Variants in SHLD2 observed in about 807,000 individuals in gnomAD.
The protein encoded by SHLD2 is RINN1-REV7-interacting novel NHEJ regulator 2.
Under a neutral mutation model 73.2 loss-of-function variants are expected in SHLD2, and 30 were observed. That is an observed-to-expected ratio of 0.41 (90% CI 0.31 to 0.56). SHLD2 has a LOEUF of 0.56. Among genes scored for constraint, SHLD2 ranks in the 20% least tolerant of loss-of-function variants. The pLI is 0.28. For synonymous variants in SHLD2, 285 were observed against 370.1 expected (o/e 0.77, Z 2.64); for missense variants, 745 against 1,055.9 (o/e 0.71, Z 4.08).
intron 9 of SHLD2, among the ~76,000 whole-genome samples, chr10:87,189,136 G>C (rs1304465485): frequency 1.3e-5 from 2 of 152,002 alleles, no homozygotes; most frequent in East Asian, 3.9e-4. Context: ...CAAGTAGCTG[G>C]GATTACAGGC....
At chr10:87,097,636 A>C (rs1249854668) in intron 2 of SHLD2, among the ~76,000 whole-genome samples, 1 of 152,180 alleles carries the variant, frequency 6.6e-6, no homozygotes, top group African/African-American at 2.4e-5. Context: ...AGAGGTGAGG[A>C]ATAGAGCTGT....
At chr10:87,141,973 G>A (rs1315953980) in intron 2 of SHLD2, among the ~76,000 whole-genome samples, 2 of 151,058 alleles carry the variant, frequency 1.3e-5, no homozygotes, top group Non-Finnish European at 2.9e-5. Context: ...AGAGGTTGCA[G>A]TGAGCTGAGA....
chr10:87,176,941 CAG>C (rs1179837975), intron 7 of SHLD2, among the ~76,000 whole-genome samples: 2 of 152,030 alleles, frequency 1.3e-5, no homozygotes, highest in Admixed American at 6.5e-5. Flanking sequence ...AAGGTAAACA[CAG>C]ATGATAGAAA....
chr10:87,155,339 T>C (rs1422918873), intron 3 of SHLD2, among the ~76,000 whole-genome samples: 1 of 151,476 alleles, frequency 6.6e-6, no homozygotes, highest in Non-Finnish European at 1.5e-5. Context: ...TATGTGATTA[T>C]ATTATTGGAG....
intron 2 of SHLD2, among the ~76,000 whole-genome samples, chr10:87,113,385 CAAG>C (rs1439477268): frequency 6.6e-6 from 1 of 152,158 alleles, no homozygotes; most frequent in Non-Finnish European, 1.5e-5. Flanking sequence ...AATTCAGCCA[CAAG>C]AAGGAGTGAA....
chr10:87,126,161 C>T (rs1564586487), intron 2 of SHLD2, among the ~76,000 whole-genome samples: 1 of 152,180 alleles, frequency 6.6e-6, no homozygotes. Context: ...TCACTGCAGC[C>T]TTGACCTTCT....
chr10:87,102,458 A>G (rs1445787967), intron 2 of SHLD2, among the ~76,000 whole-genome samples: 1 of 152,094 alleles, frequency 6.6e-6, no homozygotes, highest in Non-Finnish European at 1.5e-5. Flanking sequence ...CTGTAATCCT[A>G]GCACTTTGGG....
chr10:87,156,726 C>T (rs1846456976), intron 3 of SHLD2, among the ~76,000 whole-genome samples: 1 of 152,174 alleles, frequency 6.6e-6, no homozygotes, highest in Admixed American at 6.5e-5. Flanking sequence ...CTTGAAATTT[C>T]TCGTCTGTTC....
intron 2 of SHLD2, among the ~76,000 whole-genome samples, chr10:87,136,695 T>C (rs1023105939): frequency 2.6e-5 from 4 of 151,940 alleles, no homozygotes; most frequent in African/African-American, 9.7e-5. Flanking sequence ...AAACTCCTGC[T>C]CCAATAGTGA....
In SHLD2 at chr10:87,162,479, A is replaced by G. The variant is rs1589610109; in HGVS notation, c.1633+4324A>G. 2.0e-5 allele frequency among the ~76,000 whole-genome samples: 3 copies of G among 152,228 alleles called. No individual in the cohort carries two copies. The East Asian group carries it at 5.8e-4, about 29-fold the overall frequency. ...AAAGCTGAGGTGGGAGAATCACTTGAGCTCAGGAGTTTGAGTCCAGCCTGG... is the reference window on the plus strand; with the variant it reads ...AAAGCTGAGGTGGGAGAATCACTTGGGCTCAGGAGTTTGAGTCCAGCCTGG... On this transcript the variant is annotated intron_variant, in intron 4 of 9. Coordinates refer to ENST00000298786, the MANE Select transcript of SHLD2 (RefSeq NM_001330112.2).
chr10:87,100,572 G>A (rs1246843233), intron 2 of SHLD2, among the ~76,000 whole-genome samples: 1 of 151,592 alleles, frequency 6.6e-6, no homozygotes, highest in Non-Finnish European at 1.5e-5. Context: ...CTGCCTTCCA[G>A]GTTCAAGCAA....
chr10:87,189,185 G>T (rs977230796), intron 9 of SHLD2, among the ~76,000 whole-genome samples: 1 of 152,100 alleles, frequency 6.6e-6, no homozygotes, highest in African/African-American at 2.4e-5. Context: ...ATTTTTAGTA[G>T]ATATGGGGTT....
intron 2 of SHLD2, among the ~76,000 whole-genome samples, chr10:87,147,085 A>G (rs1485853753): frequency 3.3e-5 from 5 of 149,696 alleles, no homozygotes; most frequent in Non-Finnish European, 7.4e-5. Flanking sequence ...AAAAAAAAAA[A>G]AAACAAAAAA....
intron 3 of SHLD2, among the ~76,000 whole-genome samples, chr10:87,155,667 G>A (rs1300216718): frequency 6.6e-6 from 1 of 151,624 alleles, no homozygotes. Flanking sequence ...ATTAATGTCA[G>A]CAGGGACCTC....
At chr10:87,146,325 G>T (rs942979598) in intron 2 of SHLD2, among the ~76,000 whole-genome samples, 1 of 151,856 alleles carries the variant, frequency 6.6e-6, no homozygotes, top group South Asian at 2.1e-4. Context: ...ACAGAGTCTC[G>T]CTCTGTTGTC....
rs191373385 is a variant in SHLD2 at position 87,178,752 on chromosome 10, G to C, written c.2171-1323G>C. On this transcript the variant is annotated intron_variant, in intron 7 of 9. Transcript: ENST00000298786. ...AATAATAATAATTTTGTAGTGATTT[G>C]ACATGTCTTTGGAAAGATGTGGTAT... 5.9e-5 allele frequency among the ~76,000 whole-genome samples: 9 copies of C among 152,258 alleles called. No individual in the cohort carries two copies. The South Asian group carries it at 1.7e-3, about 28-fold the overall frequency.
intron 3 of SHLD2, among the ~76,000 whole-genome samples, chr10:87,157,669 A>T (rs551321629): frequency 1.3e-5 from 2 of 152,214 alleles, no homozygotes; most frequent in African/African-American, 4.8e-5. Flanking sequence ...ACTGAATATT[A>T]TTACTCTCCT....
chr10:87,161,699 T>C (rs1172929712), intron 4 of SHLD2, among the ~76,000 whole-genome samples: 2 of 152,218 alleles, frequency 1.3e-5, no homozygotes, highest in Admixed American at 6.5e-5. Context: ...TCTTCCTAAG[T>C]TAATATGTAA....
At chr10:87,170,301 T>G (rs1178181493) in intron 4 of SHLD2, among the ~76,000 whole-genome samples, 177 bp from the exon 5 acceptor site, 1 of 152,214 alleles carries the variant, frequency 6.6e-6, no homozygotes. Flanking sequence ...ATCAAGTTTG[T>G]TTTTACATCT....
Sources: allele counts gnomAD v4.1 joint callset (sites outside exome capture counted in the v4.1 genomes callset), GRCh38; gene constraint gnomAD v4.1.1; transcripts MANE v1.5; gene names NCBI Gene and HGNC (gene_info 2026-07-23, HGNC 2026-07-21).